NAV2: variants seen among roughly 807,000 people sequenced by gnomAD.
NAV2 encodes helicase, APC down-regulated 1.
A neutral mutation model predicts 223.2 loss-of-function variants in NAV2; 54 were observed. That is an observed-to-expected ratio of 0.24 (90% confidence interval 0.19 to 0.30). NAV2 has a LOEUF of 0.30. Ranked by LOEUF, NAV2 falls within the 10% of genes least tolerant of loss-of-function variation. The pLI is 1.00. For missense variants in NAV2, 2,806 were observed against 3,147.5 expected, an observed-to-expected ratio of 0.89 and a Z score of 2.60; for synonymous variants, 1,279 against 1,239.3, an observed-to-expected ratio of 1.03 and a Z score of -0.67.
chr11:19,412,132 A>G (rs1850171137), intron 1 of NAV2, among the ~76,000 whole-genome samples: 1 of 152,154 alleles, frequency 6.6e-6, no homozygotes, highest in Non-Finnish European at 1.5e-5. Context: ...CTAGCTCAGC[A>G]GCTCCCACCC....
chr11:19,940,091 A>G (rs974800943), intron 8 of NAV2, among the ~76,000 whole-genome samples: 3 of 152,022 alleles, frequency 2.0e-5, no homozygotes, highest in African/African-American at 7.2e-5. Context: ...CTTAACTTTG[A>G]ATCTTCTTGT....
At chr11:19,463,939 C>T (rs2133880275) in intron 1 of NAV2, among the ~76,000 whole-genome samples, 1 of 152,272 alleles carries the variant, frequency 6.6e-6, no homozygotes, top group South Asian at 2.1e-4. Context: ...AGGTGAGTGT[C>T]TGCCATGCTG....
At chr11:19,430,764 G>A (rs1490229160) in intron 1 of NAV2, among the ~76,000 whole-genome samples, 1 of 152,030 alleles carries the variant, frequency 6.6e-6, no homozygotes, top group East Asian at 1.9e-4. Flanking sequence ...AGGGTAGAGA[G>A]CATCACTTTT....
intron 1 of NAV2, among the ~76,000 whole-genome samples, chr11:19,567,122 C>A (rs941248714): frequency 1.3e-5 from 2 of 152,198 alleles, no homozygotes; most frequent in Admixed American, 1.3e-4. Context: ...AATTTCCCTG[C>A]TGACAGCTTC....
At chr11:19,693,015 A>G (rs2049225468) in intron 1 of NAV2, among the ~76,000 whole-genome samples, 1 of 152,260 alleles carries the variant, frequency 6.6e-6, no homozygotes, top group Non-Finnish European at 1.5e-5. Context: ...GAACCTGACC[A>G]AGACCTTCTC....
In NAV2 at chr11:19,876,495, T is replaced by C. The variant is rs551767249; in HGVS notation, c.512-3374T>C. Among the ~76,000 whole-genome samples the C allele has an allele frequency of 1.5e-3, 222 of 152,284 alleles. 1 individual carries two copies. The highest frequency in any genetic ancestry group is 5.1e-3 in the African/African-American group (214 of 41,570). ...GTAGAGATTTAACCACAAGATTTTC[T>C]GGCTCCAAAAAATGAGAGCTGTTTG... is the stretch of plus-strand genomic sequence containing the variant. On this transcript the variant is annotated intron_variant, in intron 4 of 37. Transcript: ENST00000349880.
intron 1 of NAV2, among the ~76,000 whole-genome samples, chr11:19,508,677 T>A (rs982648963): frequency 6.6e-6 from 1 of 152,234 alleles, no homozygotes; most frequent in East Asian, 1.9e-4. Context: ...GCCTTTTGTA[T>A]CACTTAATCA....
At chr11:19,770,644 T>C (rs2055643557) in intron 1 of NAV2, among the ~76,000 whole-genome samples, 1 of 152,202 alleles carries the variant, frequency 6.6e-6, no homozygotes, top group Admixed American at 6.5e-5. Flanking sequence ...GGGACCAGTT[T>C]GTCTGCTTGA....
At chr11:19,363,388 A>G (rs944320653) in intron 1 of NAV2, among the ~76,000 whole-genome samples, 15 of 152,202 alleles carry the variant, frequency 9.9e-5, no homozygotes, top group Admixed American at 2.6e-4. Flanking sequence ...TTATTGATAA[A>G]CATTTGGGTT....
intron 19 of NAV2, chr11:20,056,629 G>A (rs759245197): frequency 6.2e-7 from 1 of 1,605,864 alleles, no homozygotes; most frequent in East Asian, 2.2e-5. Flanking sequence ...TATGAGTTAG[G>A]TGAGTAAGCA....
At chr11:19,707,939 C>T (rs1025442841), upstream of NAV2, among the ~76,000 whole-genome samples, 10 of 152,178 alleles carry the variant, frequency 6.6e-5, no homozygotes, top group African/African-American at 9.7e-5. Flanking sequence ...TTATGCAGTG[C>T]GTGACTATAT....
chr11:19,353,712 G>A (rs1014065380), intron 1 of NAV2, among the ~76,000 whole-genome samples: 8 of 152,010 alleles, frequency 5.3e-5, no homozygotes, highest in Non-Finnish European at 1.2e-4. Flanking sequence ...TTCTTAGAGG[G>A]CTGCATGTGA....
At chr11:19,695,271 A>C (rs981266814) in intron 1 of NAV2, among the ~76,000 whole-genome samples, 7 of 152,252 alleles carry the variant, frequency 4.6e-5, no homozygotes, top group Non-Finnish European at 7.3e-5. Flanking sequence ...TGGAGTCTGC[A>C]ATCCAAGTTC....
At chr11:19,821,881 G>A (rs1295125381) in intron 1 of NAV2, among the ~76,000 whole-genome samples, 1 of 152,198 alleles carries the variant, frequency 6.6e-6, no homozygotes, top group Non-Finnish European at 1.5e-5. Flanking sequence ...CTGTGGTAGT[G>A]GTTTCTGTGT....
chr11:19,973,350 C>T (rs796672566), intron 10 of NAV2, among the ~76,000 whole-genome samples: 15 of 152,260 alleles, frequency 9.9e-5, no homozygotes, highest in African/African-American at 3.6e-4. Context: ...AAAAGTGAGC[C>T]TGTGTCTCAG....
intron 1 of NAV2, among the ~76,000 whole-genome samples, chr11:19,633,352 G>T (rs2047398259): frequency 6.6e-6 from 1 of 152,246 alleles, no homozygotes; most frequent in Admixed American, 6.5e-5. Context: ...GAGGTCCCTG[G>T]CATTCAGGAC....
chr11:19,499,476 G>T (rs920355966), intron 1 of NAV2, among the ~76,000 whole-genome samples: 2 of 152,212 alleles, frequency 1.3e-5, no homozygotes, highest in Admixed American at 1.3e-4. Context: ...CTAAGGAGAG[G>T]TGAGCAGTGC....
intron 1 of NAV2, among the ~76,000 whole-genome samples, chr11:19,441,156 C>T (rs1275033805): frequency 1.3e-5 from 2 of 152,132 alleles, no homozygotes; most frequent in East Asian, 3.9e-4. Flanking sequence ...ATGTCTCATG[C>T]CGGGGGAGGA....
chr11:19,478,700 A>G (rs1412348991), intron 1 of NAV2, among the ~76,000 whole-genome samples: 1 of 152,130 alleles, frequency 6.6e-6, no homozygotes. Context: ...TGCTATGCTA[A>G]CCCCTATGCT....
Sources: gnomAD v4.1 joint callset for allele counts (sites outside exome capture counted in the v4.1 genomes callset) on GRCh38, gnomAD v4.1.1 for gene constraint, MANE v1.5 for transcripts, NCBI Gene and HGNC (gene_info 2026-07-23, HGNC 2026-07-21) for gene names.